CNTLN: variants seen among roughly 807,000 people sequenced by gnomAD.
CNTLN encodes the protein centlein, centrosomal protein.
Under a neutral mutation model 180.0 loss-of-function variants are expected in CNTLN, and 212 were observed. The ratio of observed to expected loss-of-function variants is 1.18; its 90% CI spans 1.05 to 1.32. The LOEUF is 1.32. CNTLN is among the 40% of genes most tolerant of loss of function. CNTLN has a pLI of 0.00. For synonymous variants in CNTLN, 722 were observed against 563.1 expected, an observed-to-expected ratio of 1.28 and a Z score of -3.99; for missense variants, 2,095 against 1,610.9, an observed-to-expected ratio of 1.30 and a Z score of -5.14.
chr9:17,392,281 C>G (rs1419257528), intron 14 of CNTLN, among the ~76,000 whole-genome samples: 1 of 152,096 alleles, frequency 6.6e-6, no homozygotes, highest in Non-Finnish European at 1.5e-5. Context: ...AGTGTAATTA[C>G]TTACTTGCAT....
intron 3 of CNTLN, among the ~76,000 whole-genome samples, chr9:17,232,783 A>C (rs1216843625): frequency 1.3e-5 from 2 of 152,160 alleles, no homozygotes; most frequent in East Asian, 3.9e-4. Context: ...TAATACAAAA[A>C]TTTAGAAATG....
Position 17,269,887 on chromosome 9 carries a change from A to T in CNTLN, c.850-3846A>T, listed in dbSNP as rs117412041. The stretch of plus-strand genomic sequence containing the variant: ...ACAAGTGTTTTTGGTTTTTGACTTC[A>T]TATAATTATATTGTACATTTGTTTT... On this transcript the variant is annotated intron_variant, in intron 5 of 25. Transcript: ENST00000380647. Among the ~76,000 whole-genome samples, 629 of 152,266 alleles carry T rather than the reference A, an allele frequency of 4.1e-3. 18 individuals carry two copies. The East Asian group carries it at 0.056, about 14-fold the overall frequency.
chr9:17,479,245 G>A (rs936750401), intron 23 of CNTLN, among the ~76,000 whole-genome samples: 19 of 152,322 alleles, frequency 1.2e-4, no homozygotes, highest in African/African-American at 4.3e-4. Context: ...TAGGACTCCT[G>A]TGTTCATTGC....
At chr9:17,458,405 T>C (rs1831261319) in intron 19 of CNTLN, among the ~76,000 whole-genome samples, 1 of 152,024 alleles carries the variant, frequency 6.6e-6, no homozygotes, top group East Asian at 1.9e-4. Flanking sequence ...ATTATTTTCT[T>C]CAGTGGGGAT....
intron 25 of CNTLN, among the ~76,000 whole-genome samples, chr9:17,500,356 T>C (rs1386320477): frequency 6.6e-6 from 1 of 152,148 alleles, no homozygotes; most frequent in Non-Finnish European, 1.5e-5. Flanking sequence ...ATGTTGAAAA[T>C]TGTTCAGATT....
At chr9:17,487,100 C>G in intron 25 of CNTLN, 34 bp downstream of exon 25, 1 of 1,391,826 alleles carries the variant, frequency 7.2e-7, no homozygotes, top group South Asian at 1.2e-5. Flanking sequence ...TATTAAGCTT[C>G]CAAATAAGAA....
chr9:17,415,979 G>T lies in CNTLN; in HGVS notation c.2904G>T (p.Lys968Asn). ...TAVPTRVNRE[K>N]YKNITAQKSS... ...GTTTTTATGTAGTCAACAGAGAAAA[G>T]TACAAAAATATAACTGCCCAGAAAT... The change falls in exon 18 of 26, where the codon AAG (lysine) becomes AAT (asparagine). Residue 968 changes from lysine (K) to asparagine (N), a missense_variant. Transcript: ENST00000380647. The T allele has an allele frequency of 6.2e-7, 1 of 1,608,028 alleles. No individual in the cohort carries two copies. Among genetic ancestry groups the T allele is most frequent in the South Asian group, 1.1e-5 (1 of 89,254 alleles).
At chr9:17,186,854 C>T (rs567241587) in intron 2 of CNTLN, among the ~76,000 whole-genome samples, 6 of 151,976 alleles carry the variant, frequency 3.9e-5, no homozygotes, top group African/African-American at 1.4e-4. Context: ...ATGCTTGAGT[C>T]CTACATTTTA....
chr9:17,375,040 T>C (rs2133528684), intron 13 of CNTLN, among the ~76,000 whole-genome samples: 1 of 152,264 alleles, frequency 6.6e-6, no homozygotes, highest in Admixed American at 6.5e-5. Context: ...AACAGACGAA[T>C]GGATAAAATG....
At chr9:17,373,631 C>A (rs1824511876) in intron 13 of CNTLN, among the ~76,000 whole-genome samples, 1 of 151,980 alleles carries the variant, frequency 6.6e-6, no homozygotes, top group African/African-American at 2.4e-5. Context: ...AAAAAACAAT[C>A]CTAAAATTTA....
intron 18 of CNTLN, among the ~76,000 whole-genome samples, chr9:17,453,286 C>T (rs1830900833): frequency 6.6e-6 from 1 of 151,960 alleles, no homozygotes; most frequent in Non-Finnish European, 1.5e-5. Flanking sequence ...GCACTCCAGC[C>T]TGGGCAATAG....
At chr9:17,515,352 T>A in the CNTLN span, among the ~76,000 whole-genome samples, 3 of 152,186 alleles carry the variant, frequency 2.0e-5, no homozygotes, top group East Asian at 1.9e-4. Context: ...GAATTTTTTT[T>A]AATAAATATT....
intron 23 of CNTLN, among the ~76,000 whole-genome samples, chr9:17,471,199 G>C (rs914160207): frequency 2.0e-5 from 3 of 152,086 alleles, no homozygotes; most frequent in South Asian, 4.1e-4. Flanking sequence ...GATGGGAAGA[G>C]TGACTCCAGA....
chr9:17,135,476 C>T (rs1817644864), intron 1 of CNTLN, 51 bp downstream of exon 1: 1 of 1,541,228 alleles, frequency 6.5e-7, no homozygotes, highest in Non-Finnish European at 8.7e-7. Context: ...GGGGCCGGGA[C>T]CCGTGGGGAG....
intron 10 of CNTLN, among the ~76,000 whole-genome samples, chr9:17,335,756 G>T (rs138610583): frequency 6.6e-6 from 1 of 151,708 alleles, no homozygotes; most frequent in South Asian, 2.1e-4. Context: ...TGGACAACAT[G>T]GCAAAACCCT....
At chr9:17,252,588 T>A (rs552946397) in intron 5 of CNTLN, among the ~76,000 whole-genome samples, 4 of 151,846 alleles carry the variant, frequency 2.6e-5, no homozygotes, top group South Asian at 2.1e-4. Flanking sequence ...TGTGATTTTT[T>A]AAAAACTGTT....
At chr9:17,137,528 C>A (rs1298176105) in intron 1 of CNTLN, among the ~76,000 whole-genome samples, 1 of 152,118 alleles carries the variant, frequency 6.6e-6, no homozygotes, top group Non-Finnish European at 1.5e-5. Flanking sequence ...CACACATATA[C>A]AAACATATAT....
At chr9:17,305,689 T>A (rs1456680008) in intron 7 of CNTLN, among the ~76,000 whole-genome samples, 1 of 152,130 alleles carries the variant, frequency 6.6e-6, no homozygotes, top group Non-Finnish European at 1.5e-5. Flanking sequence ...GAAATAAAGC[T>A]AGATTTAACC....
chr9:17,453,412 T>C (rs1334924643), intron 18 of CNTLN, among the ~76,000 whole-genome samples: 1 of 152,150 alleles, frequency 6.6e-6, no homozygotes, highest in Non-Finnish European at 1.5e-5. Flanking sequence ...GAATATTATA[T>C]AAACTCTACG....
Sources: gnomAD v4.1 joint callset for allele counts (sites outside exome capture counted in the v4.1 genomes callset) on GRCh38, gnomAD v4.1.1 for gene constraint, MANE v1.5 for transcripts, NCBI Gene and HGNC (gene_info 2026-07-23, HGNC 2026-07-21) for gene names.